SCUBE1: variants seen among roughly 807,000 people sequenced by gnomAD.
SCUBE1 encodes signal peptide, CUB and EGF-like domain-containing protein 1.
A neutral mutation model predicts 124.4 loss-of-function variants in SCUBE1; 59 were observed. That is an observed-to-expected ratio of 0.47 (90% CI 0.38 to 0.59). The LOEUF (loss-of-function observed/expected upper bound fraction) is 0.59. Ranked by LOEUF, SCUBE1 falls within the 20% of genes least tolerant of loss-of-function variation. SCUBE1 has a pLI of 0.00. For synonymous variants in SCUBE1, 545 were observed against 550.9 expected (o/e 0.99, Z 0.15); for missense variants, 1,150 against 1,371.2 (o/e 0.84, Z 2.55).
At chr22:43,318,974 G>C (rs911815775) in intron 3 of SCUBE1, among the ~76,000 whole-genome samples, 2 of 152,078 alleles carry the variant, frequency 1.3e-5, no homozygotes, top group Non-Finnish European at 2.9e-5. Context: ...CACCCGCCTT[G>C]GCCTCCCAGA....
chr22:43,262,369 C>G (rs1362149685), intron 5 of SCUBE1, among the ~76,000 whole-genome samples: 3 of 152,198 alleles, frequency 2.0e-5, no homozygotes, highest in African/African-American at 7.2e-5. Context: ...TTGTACTACT[C>G]ATTACCAGGG....
intron 3 of SCUBE1, among the ~76,000 whole-genome samples, chr22:43,302,940 C>T (rs1925828872): frequency 6.6e-6 from 1 of 152,214 alleles, no homozygotes; most frequent in Admixed American, 6.5e-5. Flanking sequence ...GATGGGGCGG[C>T]AGGGCAAGTC....
chr22:43,324,227 C>A (rs563561692), intron 2 of SCUBE1, among the ~76,000 whole-genome samples: 1 of 152,314 alleles, frequency 6.6e-6, no homozygotes, highest in South Asian at 2.1e-4. Flanking sequence ...GATCACCATA[C>A]CCATAAGGCA....
Position 43,227,386 on chromosome 22 carries a change from T to G in SCUBE1, c.1195A>C (p.Lys399Gln), listed in dbSNP as rs1922361825. The change falls in exon 10 of 22, where the codon AAG (lysine) becomes CAG (glutamine). Residue 399 changes from lysine to glutamine, a missense_variant. Physicochemically the swap from Lys to Gln is moderately conservative, Grantham distance 53. Around this residue, in one of 3 missense-constraint regions of SCUBE1, gnomAD observed 757 missense variants for 840.9 expected, o/e 0.90. Coordinates refer to ENST00000360835, the MANE Select transcript of SCUBE1 (RefSeq NM_173050.5). Reference protein sequence around the residue: ...PPGRRLHWNGKDCVETGKCLS... With the variant: ...PPGRRLHWNGQDCVETGKCLS... Reference sequence around the variant, plus strand: ...GGCGGCCACCTACCCACGCAATCCTTCCCGTTCCAGTGGAGCCGCCTCCCC... The same window carrying G: ...GGCGGCCACCTACCCACGCAATCCTGCCCGTTCCAGTGGAGCCGCCTCCCC... 6.2e-7 allele frequency: 1 copy of G among 1,610,768 alleles called. No individual in the cohort carries two copies.
At chr22:43,315,879 C>T (rs1265668907) in intron 3 of SCUBE1, among the ~76,000 whole-genome samples, 1 of 152,218 alleles carries the variant, frequency 6.6e-6, no homozygotes, top group East Asian at 1.9e-4. Flanking sequence ...CTGCTGGCGT[C>T]AGGCTCTGGG....
At chr22:43,271,754 T>A (rs1924301074) in intron 4 of SCUBE1, among the ~76,000 whole-genome samples, 1 of 152,114 alleles carries the variant, frequency 6.6e-6, no homozygotes, top group African/African-American at 2.4e-5. Context: ...CCAGGCAGCA[T>A]CCCTAGGGGG....
chr22:43,279,585 C>T lies in SCUBE1; in HGVS notation c.484+11461G>A, dbSNP rs529670771. Among the ~76,000 whole-genome samples the T allele has an allele frequency of 2.0e-3, 309 of 152,332 alleles. 1 individual carries two copies. Among genetic ancestry groups the T allele is most frequent in the African/African-American group, 7.2e-3 (301 of 41,568 alleles). On this transcript the variant is annotated intron_variant, in intron 4 of 21. Coordinates refer to ENST00000360835, the MANE Select transcript of SCUBE1 (RefSeq NM_173050.5). ...AGAACTGTGAAAAGTAAATTTCTAT[C>T]TTTAGAAATTACCCAGTCTCAGCTC...
intron 3 of SCUBE1, among the ~76,000 whole-genome samples, chr22:43,301,242 G>A (rs1473958604): frequency 6.6e-6 from 1 of 152,074 alleles, no homozygotes. Context: ...CTGGATTCTC[G>A]AACTCCCTGC....
chr22:43,216,701 A>G (rs1364334175), intron 15 of SCUBE1, among the ~76,000 whole-genome samples: 1 of 151,972 alleles, frequency 6.6e-6, no homozygotes, highest in African/African-American at 2.4e-5. Context: ...GACATCACCA[A>G]GCTCCCTTTG....
At position 43,207,531 on chromosome 22, in the gene SCUBE1, C is replaced by T. The variant is rs371207178; in HGVS notation, c.2814+3G>A. ...TGGATTCCCTTCCAATAAACTCACT[C>T]ACTTTCAAAATTTCCTGGTGGTTCT... On this transcript the variant is annotated splice_donor_region_variant and intron_variant, in intron 21 of 21. Coordinates refer to ENST00000360835, the MANE Select transcript of SCUBE1 (RefSeq NM_173050.5). The T allele has an allele frequency of 1.2e-5, 19 of 1,611,238 alleles. 1 individual carries two copies. Among genetic ancestry groups the T allele is most frequent in the Middle Eastern group, 1.6e-4 (1 of 6,076 alleles).
chr22:43,317,132 CAG>C (rs1043902667), intron 3 of SCUBE1: 3 of 152,144 alleles, frequency 2.0e-5, no homozygotes, highest in Non-Finnish European at 2.9e-5. Flanking sequence ...ATTGGGAAAA[CAG>C]GGGAAAAAAA....
chr22:43,207,987 A>G, intron 20 of SCUBE1, 85 bp downstream of exon 20: 3 of 1,469,490 alleles, frequency 2.0e-6, no homozygotes, highest in Non-Finnish European at 2.8e-6. Flanking sequence ...CAGCTCCCTG[A>G]GGGCGGGGAC....
At chr22:43,317,358 G>T (rs1001557052) in intron 3 of SCUBE1, among the ~76,000 whole-genome samples, 13 of 152,208 alleles carry the variant, frequency 8.5e-5, no homozygotes. Flanking sequence ...CCCTGTTGGA[G>T]ACTGGAGAAG....
At chr22:43,204,869 G>A (rs975384642) in intron 21 of SCUBE1, among the ~76,000 whole-genome samples, 2 of 151,782 alleles carry the variant, frequency 1.3e-5, no homozygotes, top group Admixed American at 6.6e-5. Context: ...GCTTGAAACC[G>A]GGAGGCGGAG....
chr22:43,284,652 A>G (rs562714851), intron 4 of SCUBE1, among the ~76,000 whole-genome samples: 41 of 152,356 alleles, frequency 2.7e-4, no homozygotes, highest in African/African-American at 9.9e-4. Flanking sequence ...GATCTGGAAA[A>G]TGGGGCACTG....
intron 6 of SCUBE1, among the ~76,000 whole-genome samples, chr22:43,253,523 G>T (rs1226528922): frequency 2.6e-5 from 4 of 152,114 alleles, no homozygotes; most frequent in Non-Finnish European, 4.4e-5. Context: ...GGGGGTGCAG[G>T]GGAGGGTCCC....
intron 2 of SCUBE1, among the ~76,000 whole-genome samples, chr22:43,321,399 A>G (rs1926549496): frequency 6.6e-6 from 1 of 152,152 alleles, no homozygotes; most frequent in Non-Finnish European, 1.5e-5. Flanking sequence ...GGGCCAATGA[A>G]CGTTCAGGGG....
intron 17 of SCUBE1, 71 bp downstream of exon 17, chr22:43,212,354 G>C (rs1921600687): frequency 2.0e-6 from 3 of 1,475,484 alleles, no homozygotes; most frequent in Non-Finnish European, 2.7e-6. Context: ...AGAGGGGTTC[G>C]GGGAAGCCTC....
chr22:43,267,834 C>T (rs550679410), intron 4 of SCUBE1, among the ~76,000 whole-genome samples: 1 of 152,318 alleles, frequency 6.6e-6, no homozygotes, highest in East Asian at 1.9e-4. Flanking sequence ...GGAAGGAATG[C>T]CAACTCATCC....
Sources: allele counts gnomAD v4.1 joint callset (sites outside exome capture counted in the v4.1 genomes callset), GRCh38; gene constraint gnomAD v4.1.1; regional missense constraint gnomAD v4.1.1; transcripts MANE v1.5; gene names NCBI Gene and HGNC (gene_info 2026-07-23, HGNC 2026-07-21).